Variants in ANK2 observed in about 807,000 individuals in gnomAD.
ANK2 encodes ankyrin-2.
ANK2 carries 83 observed loss-of-function variants against 360.5 expected under a neutral mutation model. The ratio of observed to expected loss-of-function variants is 0.23; its 90% CI spans 0.19 to 0.28. ANK2 has a LOEUF of 0.28. Among genes scored for constraint, ANK2 ranks in the 10% least tolerant of loss-of-function variants. The pLI is 1.00. For missense variants in ANK2, 4,201 were observed against 4,795.7 expected, an observed-to-expected ratio of 0.88 and a Z score of 3.66; for synonymous variants, 1,740 against 1,759.5, an observed-to-expected ratio of 0.99 and a Z score of 0.28.
At chr4:113,291,577 T>C (rs2067599295) in intron 20 of ANK2, among the ~76,000 whole-genome samples, 1 of 152,150 alleles carries the variant, frequency 6.6e-6, no homozygotes, top group Non-Finnish European at 1.5e-5. Context: ...CAAGCAAATA[T>C]GTATGTTGCT....
chr4:113,282,714 C>G lies in ANK2; in HGVS notation c.1921C>G (p.Gln641Glu). ...GTTACATATTGCTGCCAAGAAGAAT[C>G]AAATGCAGATAGCTTCCACACTCCT... is the stretch of plus-strand genomic sequence containing the variant. Reference protein sequence around the residue: ...TPLHIAAKKNQMQIASTLLNY... With the variant: ...TPLHIAAKKNEMQIASTLLNY... The change falls in exon 18 of 46, where the codon CAA (glutamine) becomes GAA (glutamate). Residue 641 changes from glutamine to glutamate, a missense_variant. Transcript: ENST00000357077. The G allele has an allele frequency of 6.2e-7, 1 of 1,613,692 alleles. No homozygotes were observed. The highest frequency in any genetic ancestry group is 8.5e-7 in the Non-Finnish European group (1 of 1,179,800).
intron 1 of ANK2, among the ~76,000 whole-genome samples, chr4:112,875,885 G>A (rs1018597113): frequency 3.3e-5 from 5 of 151,448 alleles, no homozygotes; most frequent in African/African-American, 1.2e-4. Flanking sequence ...GAGACCAGAT[G>A]AGCGGATCAC....
chr4:113,197,955 A>G (rs944863311), intron 3 of ANK2, among the ~76,000 whole-genome samples: 17 of 152,174 alleles, frequency 1.1e-4, no homozygotes, highest in African/African-American at 4.1e-4. Flanking sequence ...GAGCACTCAC[A>G]GGAGCCTAGG....
intron 1 of ANK2, among the ~76,000 whole-genome samples, chr4:112,842,756 T>G (rs540070252): frequency 2.8e-4 from 43 of 152,342 alleles, no homozygotes; most frequent in Non-Finnish European, 4.1e-4. Flanking sequence ...GACTGGGGAC[T>G]GGGGACCGCT....
chr4:113,068,147 C>T (rs1229992313), intron 1 of ANK2, among the ~76,000 whole-genome samples: 1 of 152,118 alleles, frequency 6.6e-6, no homozygotes, highest in Non-Finnish European at 1.5e-5. Flanking sequence ...AGGTTGATAG[C>T]CACATCTTTG....
At chr4:113,256,082 C>A in intron 11 of ANK2, 150 bp downstream of exon 11, 1 of 949,752 alleles carries the variant, frequency 1.1e-6, no homozygotes, top group Non-Finnish European at 1.6e-6. Flanking sequence ...AGCCTGTGTA[C>A]TTCATACATT....
chr4:113,251,359 T>C (rs1370788435), intron 10 of ANK2, among the ~76,000 whole-genome samples: 1 of 152,054 alleles, frequency 6.6e-6, no homozygotes, highest in African/African-American at 2.4e-5. Context: ...TGTCTCTGAG[T>C]GTACAATTAT....
intron 1 of ANK2, among the ~76,000 whole-genome samples, chr4:113,124,050 T>C (rs1390314142): frequency 2.6e-5 from 4 of 152,210 alleles, no homozygotes; most frequent in Admixed American, 6.6e-5. Context: ...CCTAATGGAA[T>C]AATCTTCAGG....
chr4:112,743,554 C>CTTTT, the ANK2 span, among the ~76,000 whole-genome samples: 10 of 105,884 alleles, frequency 9.4e-5, no homozygotes, highest in Admixed American at 2.4e-4. Flanking sequence ...CTTTTCTATC[C>CTTTT]TTTTTTTTTT....
intron 29 of ANK2, among the ~76,000 whole-genome samples, chr4:113,334,181 C>T (rs984144957): frequency 1.3e-5 from 2 of 152,168 alleles, no homozygotes; most frequent in Admixed American, 6.6e-5. Flanking sequence ...TTTCTTTCTA[C>T]ATCCTACCAC....
At chr4:112,966,459 G>A (rs1020272547) in intron 2 of ANK2, among the ~76,000 whole-genome samples, 11 of 151,514 alleles carry the variant, frequency 7.3e-5, no homozygotes, top group Admixed American at 7.2e-4. Context: ...ATGAGTAAGT[G>A]TGTGTGTGTG....
chr4:113,210,449 T>C (rs1314449629), intron 4 of ANK2, among the ~76,000 whole-genome samples: 1 of 152,182 alleles, frequency 6.6e-6, no homozygotes, highest in African/African-American at 2.4e-5. Flanking sequence ...CTTGGAAGAA[T>C]TAAAATGAGA....
At chr4:112,827,799 A>G (rs2058721409) in intron 1 of ANK2, among the ~76,000 whole-genome samples, 1 of 152,242 alleles carries the variant, frequency 6.6e-6, no homozygotes, top group African/African-American at 2.4e-5. Context: ...GCCCAAATCA[A>G]TTTACAGATT....
chr4:113,253,516 C>A (rs932138646), intron 10 of ANK2, among the ~76,000 whole-genome samples: 3 of 152,032 alleles, frequency 2.0e-5, no homozygotes, highest in South Asian at 2.1e-4. Flanking sequence ...GGATATAACA[C>A]CCACCCCTCA....
At chr4:113,290,717 A>G (rs2067122865) in intron 20 of ANK2, among the ~76,000 whole-genome samples, 1 of 152,222 alleles carries the variant, frequency 6.6e-6, no homozygotes, top group Non-Finnish European at 1.5e-5. Flanking sequence ...AATAAAACAT[A>G]TTCATGAACA....
rs558666470 is a variant in ANK2, at chr4:113,174,589, A to G, written c.186+72A>G. The G allele has an allele frequency of 3.1e-5, 37 of 1,201,614 alleles. No homozygotes were observed. The African/African-American group carries it at 5.3e-4, about 17-fold the overall frequency. The allele number at this position is 1,201,614 out of a possible 1,614,324, so 74.4% of individuals were successfully genotyped here. A position where few individuals can be genotyped will look rare whatever the true frequency, so the allele number is the denominator to read the frequency against. On this transcript the variant is annotated intron_variant, in intron 2 of 45. Transcript: ENST00000357077. ...CATTACATTCTCAGAGCCCAAGATT[A>G]TTTTTGTCTTTATTAAAAATACTAA...
chr4:113,379,533 C>A (rs759421287), intron 45 of ANK2, among the ~76,000 whole-genome samples: 4 of 152,070 alleles, frequency 2.6e-5, no homozygotes, highest in Non-Finnish European at 5.9e-5. Context: ...GAGGCTTAAC[C>A]CCTGGCATCA....
chr4:113,190,345 A>G (rs955017984), intron 2 of ANK2, among the ~76,000 whole-genome samples: 5 of 152,028 alleles, frequency 3.3e-5, no homozygotes, highest in Admixed American at 3.3e-4. Context: ...GCTGGGCTCA[A>G]GCAATCCTCC....
intron 14 of ANK2, among the ~76,000 whole-genome samples, chr4:113,270,239 T>C (rs1164803177): frequency 6.6e-6 from 1 of 152,230 alleles, no homozygotes; most frequent in African/African-American, 2.4e-5. Context: ...TAAAACCCCT[T>C]AATGTTTATT....
Sources: gnomAD v4.1 joint callset for allele counts (sites outside exome capture counted in the v4.1 genomes callset) on GRCh38, gnomAD v4.1.1 for gene constraint, MANE v1.5 for transcripts, NCBI Gene and HGNC (gene_info 2026-07-23, HGNC 2026-07-21) for gene names.